Variants in ADGRA1 observed in about 807,000 individuals in gnomAD.
The protein encoded by ADGRA1 is G-protein coupled receptor 123.
ADGRA1 carries 12 observed loss-of-function variants against 21.3 expected under a neutral mutation model. That is an observed-to-expected ratio of 0.56 (90% confidence interval 0.36 to 0.91). The LOEUF is 0.91. ADGRA1 is among the 40% of genes least tolerant of loss of function. The pLI is 0.01. For synonymous variants in ADGRA1, 385 were observed against 368.8 expected, an observed-to-expected ratio of 1.04 and a Z score of -0.50; for missense variants, 790 against 805.6, an observed-to-expected ratio of 0.98 and a Z score of 0.23.
intron 5 of ADGRA1, among the ~76,000 whole-genome samples, chr10:133,110,851 G>C (rs947957599): frequency 1.3e-5 from 2 of 152,056 alleles, no homozygotes; most frequent in African/African-American, 2.4e-5. Flanking sequence ...TTAGTTTCCT[G>C]CCCAATCCCT....
Position 133,096,065 on chromosome 10 carries a change from T to C in ADGRA1, c.4-909T>C, listed in dbSNP as rs1380334746. Among the ~76,000 whole-genome samples the C allele has an allele frequency of 1.1e-4, 16 of 152,088 alleles. No individual in the cohort carries two copies. The South Asian group carries it at 2.7e-3, about 26-fold the overall frequency. On this transcript the variant is annotated intron_variant, in intron 2 of 6. Coordinates refer to ENST00000392607, the MANE Select transcript of ADGRA1 (RefSeq NM_001083909.3). The stretch of plus-strand genomic sequence containing the variant: ...ACCCACCCTGCTCGCCTGCCTGAGG[T>C]TCATAACTAAACCCTACACAGTGGG...
intron 5 of ADGRA1, among the ~76,000 whole-genome samples, chr10:133,123,700 G>A (rs1852319294): frequency 7.8e-6 from 1 of 128,006 alleles, no homozygotes; most frequent in African/African-American, 3.2e-5. Flanking sequence ...GAGTTGTGGG[G>A]AGGACTGCCT....
chr10:133,094,216 A>G (rs893285125), intron 2 of ADGRA1, among the ~76,000 whole-genome samples: 1 of 152,248 alleles, frequency 6.6e-6, no homozygotes, highest in South Asian at 2.1e-4. Context: ...CTCCCAGCGC[A>G]GCCTGCACCT....
Position 133,128,830 on chromosome 10 carries a change from C to A in ADGRA1, c.1002C>A (p.Asn334Lys). Reference sequence around the variant, plus strand: ...ACGCCCACCCCGCACTTGACGCCAACGGGGCCGCGCTGGGCCGCGCCGCCT... The same window carrying A: ...ACGCCCACCCCGCACTTGACGCCAAAGGGGCCGCGCTGGGCCGCGCCGCCT... Reference protein sequence around the residue: ...RKDAHPALDANGAALGRAACL... With the variant: ...RKDAHPALDAKGAALGRAACL... The change falls in exon 7 of 7, where the codon AAC (asparagine) becomes AAA (lysine). Residue 334 changes from asparagine (N) to lysine (K), a missense_variant. By Grantham distance (94) the Asn-to-Lys change is moderately conservative (BLOSUM62 0). This residue lies in a region of ADGRA1 where 391 missense variants were observed against 351.5 expected (regional missense o/e 1.11). Coordinates refer to ENST00000392607, the MANE Select transcript of ADGRA1 (RefSeq NM_001083909.3). 1 of 1,598,764 alleles carries A rather than the reference C, an allele frequency of 6.3e-7. No homozygotes were observed. The highest frequency in any genetic ancestry group is 1.7e-5 in the Admixed American group (1 of 59,132).
At chr10:133,089,968 T>A (rs965970591) in intron 2 of ADGRA1, among the ~76,000 whole-genome samples, 1 of 152,128 alleles carries the variant, frequency 6.6e-6, no homozygotes, top group African/African-American at 2.4e-5. Flanking sequence ...TCAGGAACCA[T>A]CGCTGTTGCC....
Position 133,129,197 on chromosome 10 carries a change from C to T in ADGRA1, c.1369C>T (p.Pro457Ser), listed in dbSNP as rs1257229451. 5.2e-6 allele frequency: 8 copies of T among 1,550,288 alleles called. No individual in the cohort carries two copies. The highest frequency in any genetic ancestry group is 2.4e-5 in the East Asian group (1 of 40,942). Residue 457 changes from proline to serine, a missense_variant, in exon 7 of 7, where the codon CCC becomes TCC. By Grantham distance (74) the Pro-to-Ser change is moderately conservative (BLOSUM62 -1). This residue lies in a region of ADGRA1 where 391 missense variants were observed against 351.5 expected (regional missense o/e 1.11). Coordinates refer to ENST00000392607, the MANE Select transcript of ADGRA1 (RefSeq NM_001083909.3). ...CCGCAGCTCGCGCACAGACAGCCCC[C>T]CCAGCTCTCTGGATGGCCCGGCGGG... is the stretch of plus-strand genomic sequence containing the variant. The part of the protein sequence containing the change: ...SPRSSRTDSP[P>S]SSLDGPAGTH...
intron 3 of ADGRA1, among the ~76,000 whole-genome samples, 167 bp downstream of exon 3, chr10:133,097,268 C>T (rs1476987320): frequency 6.6e-6 from 1 of 152,240 alleles, no homozygotes; most frequent in Non-Finnish European, 1.5e-5. Flanking sequence ...AGCCTGGTGC[C>T]CATCACACAG....
At chr10:133,091,829 G>A (rs984021449) in intron 2 of ADGRA1, among the ~76,000 whole-genome samples, 4 of 152,294 alleles carry the variant, frequency 2.6e-5, no homozygotes, top group South Asian at 2.1e-4. Flanking sequence ...GAGACGAGGC[G>A]GGTAGCCAAA....
At chr10:133,118,040 C>A (rs1294013925) in intron 5 of ADGRA1, among the ~76,000 whole-genome samples, 3 of 152,184 alleles carry the variant, frequency 2.0e-5, no homozygotes, top group Admixed American at 2.0e-4. Context: ...GCCAGGTGAG[C>A]CCTGCGGGGA....
At position 133,129,146 on chromosome 10, in the gene ADGRA1, A is replaced by T. The variant is rs772798280; in HGVS notation, c.1318A>T (p.Ile440Phe). 185 of 1,554,870 alleles carry T rather than the reference A, an allele frequency of 1.2e-4. No homozygotes were observed. Among genetic ancestry groups the T allele is most frequent in the Non-Finnish European group, 1.5e-4 (172 of 1,149,340 alleles). Residue 440 changes from isoleucine (I) to phenylalanine (F), a missense_variant, in exon 7 of 7, where the codon ATC becomes TTC. By Grantham distance (21) the Ile-to-Phe change is conservative. Around this residue, in one of 3 missense-constraint regions of ADGRA1, gnomAD observed 391 missense variants for 351.5 expected, o/e 1.11. Coordinates refer to ENST00000392607, the MANE Select transcript of ADGRA1 (RefSeq NM_001083909.3). ...PAEEPEYAYH[I>F]PSSLDGSPRS... is the part of the protein sequence containing the mutation. ...AGAGGAGCCCGAGTACGCCTACCACATCCCATCCAGCCTGGATGGCAGCCC... is the reference window on the plus strand; with the variant it reads ...AGAGGAGCCCGAGTACGCCTACCACTTCCCATCCAGCCTGGATGGCAGCCC...
intron 5 of ADGRA1, among the ~76,000 whole-genome samples, chr10:133,113,273 G>A (rs976103230): frequency 1.3e-5 from 2 of 152,202 alleles, no homozygotes; most frequent in Admixed American, 6.5e-5. Context: ...TGGGGTCTGT[G>A]GGCCGTGTTT....
At chr10:133,128,174 C>T (rs934822709) in intron 6 of ADGRA1, among the ~76,000 whole-genome samples, 155 bp from the exon 7 acceptor site, 7 of 150,622 alleles carry the variant, frequency 4.6e-5, no homozygotes, top group Non-Finnish European at 1.0e-4. Flanking sequence ...CCCATCCACA[C>T]TCTCAGCGAC....
Position 133,129,494 on chromosome 10 carries a change from A to G in ADGRA1, c.1666A>G (p.Asn556Asp). Residue 556 changes from asparagine to aspartate, a missense_variant, in exon 7 of 7, where the codon AAC (asparagine) becomes GAC (aspartate). Asn to Asp is a conservative substitution (Grantham distance 23). Around this residue, in one of 3 missense-constraint regions of ADGRA1, gnomAD observed 391 missense variants for 351.5 expected, o/e 1.11. Transcript: ENST00000392607. Reference protein sequence around the residue: ...TGNIRTGPWKNETTV With the variant: ...TGNIRTGPWKDETTV The stretch of plus-strand genomic sequence containing the variant: ...CAACATCCGAACGGGACCCTGGAAA[A>G]ACGAAACTACTGTGTAGATGGGGGC... 1 of 1,596,196 alleles carries G rather than the reference A, an allele frequency of 6.3e-7. No individual in the cohort carries two copies. The highest frequency in any genetic ancestry group is 8.5e-7 in the Non-Finnish European group (1 of 1,178,370).
At position 133,102,772 on chromosome 10, in the gene ADGRA1, C is replaced by G. The variant is rs1851819845; in HGVS notation, c.331C>G (p.Gln111Glu). 1 of 1,612,764 alleles carries G rather than the reference C, an allele frequency of 6.2e-7. No homozygotes were observed. The highest frequency in any genetic ancestry group is 1.3e-5 in the African/African-American group (1 of 74,918). ...IGVTARNIYK[Q>E]VTKKAPLCLD... Reference sequence around the variant, plus strand: ...AGTGACCGCCAGGAACATCTACAAGCAGGTGACCAAGAAGGCCCCTCTGTG... The same window carrying G: ...AGTGACCGCCAGGAACATCTACAAGGAGGTGACCAAGAAGGCCCCTCTGTG... The change falls in exon 5 of 7, where the codon CAG (glutamine) becomes GAG (glutamate). Residue 111 changes from glutamine (Q) to glutamate (E), a missense_variant. Coordinates refer to ENST00000392607, the MANE Select transcript of ADGRA1 (RefSeq NM_001083909.3).
intron 5 of ADGRA1, among the ~76,000 whole-genome samples, chr10:133,108,558 C>T (rs1851932093): frequency 6.6e-6 from 1 of 152,084 alleles, no homozygotes; most frequent in South Asian, 2.1e-4. Flanking sequence ...CACAGTGGTG[C>T]CTCCTTGGAT....
chr10:133,098,640 C>T lies in ADGRA1; in HGVS notation c.132C>T (p.Ser44=), dbSNP rs765955085. The change falls in exon 4 of 7, where the codon AGC becomes AGT. Residue 44 remains serine (S), a splice_region_variant and synonymous_variant. Coordinates refer to ENST00000392607, the MANE Select transcript of ADGRA1 (RefSeq NM_001083909.3). The part of the protein sequence containing the change: ...ASFVTYIVHQ[S]AIRISRKGRH... ...GAAACCCTCCTTTCCCGTCCCACAG[C>T]GCCATCCGCATCAGCCGCAAGGGCC... 8.7e-6 allele frequency: 14 copies of T among 1,607,872 alleles called. No individual in the cohort carries two copies. The highest frequency in any genetic ancestry group is 5.0e-5 in the Admixed American group (3 of 59,926).
chr10:133,101,468 T>C (rs1410454942), intron 4 of ADGRA1, among the ~76,000 whole-genome samples: 1 of 152,308 alleles, frequency 6.6e-6, no homozygotes, highest in East Asian at 1.9e-4. Context: ...AGCCTCTCCA[T>C]CTGTCCAGCC....
At chr10:133,107,275 C>T (rs9419104) in intron 5 of ADGRA1, among the ~76,000 whole-genome samples, 2,008 of 152,276 alleles carry the variant, frequency 0.013, 42 homozygotes, top group African/African-American at 0.046. Flanking sequence ...ATAATTATCA[C>T]GCCATCTGTA....
At chr10:133,128,100 C>T (rs1405647893) in intron 6 of ADGRA1, among the ~76,000 whole-genome samples, 4 of 142,266 alleles carry the variant, frequency 2.8e-5, no homozygotes, top group Non-Finnish European at 6.1e-5. Flanking sequence ...TGCCTCTACC[C>T]GCACCTGGGA....
Sources: allele counts gnomAD v4.1 joint callset (sites outside exome capture counted in the v4.1 genomes callset), GRCh38; gene constraint gnomAD v4.1.1; regional missense constraint gnomAD v4.1.1; transcripts MANE v1.5; gene names NCBI Gene and HGNC (gene_info 2026-07-23, HGNC 2026-07-21).